Variants in PCNT observed in about 807,000 individuals in gnomAD.
PCNT encodes the protein kendrin.
Under a neutral mutation model 380.4 loss-of-function variants are expected in PCNT, and 319 were observed. That is an observed-to-expected ratio of 0.84 (90% CI 0.77 to 0.92). The LOEUF is 0.92. Ranked by LOEUF, PCNT falls within the 40% of genes least tolerant of loss-of-function variation. The pLI, the probability that PCNT is intolerant of heterozygous loss-of-function variation, is 0.00. For synonymous variants in PCNT, 1,845 were observed against 1,735.2 expected (o/e 1.06, Z -1.57); for missense variants, 4,400 against 4,255.3 (o/e 1.03, Z -0.95).
At chr21:46,415,024 C>T (rs2086967649) in intron 29 of PCNT, among the ~76,000 whole-genome samples, 2 of 152,256 alleles carry the variant, frequency 1.3e-5, no homozygotes, top group African/African-American at 2.4e-5. Flanking sequence ...GGCACGGAAG[C>T]ATGCTTGGTG....
In PCNT at chr21:46,416,724, C is replaced by T; in HGVS notation, c.6806C>T (p.Pro2269Leu). The T allele has an allele frequency of 6.3e-7, 1 of 1,585,412 alleles. No homozygotes were observed. Among genetic ancestry groups the T allele is most frequent in the Non-Finnish European group, 8.6e-7 (1 of 1,163,392 alleles). The change falls in exon 30 of 47, where the codon CCA (proline) becomes CTA (leucine). Residue 2269 changes from proline to leucine, a missense_variant. Coordinates refer to ENST00000359568, the MANE Select transcript of PCNT (RefSeq NM_006031.6). ...GGGGACAGGGCGGACACCTCGCTGC[C>T]ACAGACCCAGGGGCCGGGGCTGCTT... ...SLGDRADTSLPQTQGPGLLCS... is the reference protein window; with the variant it reads ...SLGDRADTSLLQTQGPGLLCS...
chr21:46,424,719 C>CA (rs1459032019), intron 32 of PCNT, among the ~76,000 whole-genome samples: 1 of 144,466 alleles, frequency 6.9e-6, no homozygotes, highest in Non-Finnish European at 1.5e-5. Context: ...ACTGCGCCCC[C>CA]CCCAACCCTG....
chr21:46,436,235 G>T, intron 39 of PCNT, 87 bp downstream of exon 39: 1 of 1,473,668 alleles, frequency 6.8e-7, no homozygotes, highest in Non-Finnish European at 9.3e-7. Flanking sequence ...GGCGCGTCTG[G>T]TGTGAGGCCC....
chr21:46,390,040 C>T (rs1457236988), intron 19 of PCNT, among the ~76,000 whole-genome samples: 1 of 152,246 alleles, frequency 6.6e-6, no homozygotes, highest in African/African-American at 2.4e-5. Flanking sequence ...AGAAAGTGTA[C>T]GGGAGTGTGA....
chr21:46,387,317 T>C (rs2085872081), intron 17 of PCNT, among the ~76,000 whole-genome samples: 1 of 152,204 alleles, frequency 6.6e-6, no homozygotes, highest in South Asian at 2.1e-4. Flanking sequence ...TGTGGGTGTC[T>C]CGTAGCTTGG....
chr21:46,430,198 C>T lies in PCNT; in HGVS notation c.7879C>T (p.Leu2627Phe). ...RQKSEQLSRS[L>F]CEVQQEVLQL... is the part of the protein sequence containing the mutation. ...GAAGAGCGAACAGCTGTCCCGGTCC[C>T]TCTGCGAGGTGCAGCAGGAGGTCCT... Residue 2627 changes from leucine (L) to phenylalanine (F), a missense_variant, in exon 36 of 47, where the codon CTC becomes TTC. Leu to Phe is a conservative substitution (Grantham distance 22). Coordinates refer to ENST00000359568, the MANE Select transcript of PCNT (RefSeq NM_006031.6). 1.9e-6 allele frequency: 3 copies of T among 1,613,954 alleles called. No individual in the cohort carries two copies. The East Asian group carries it at 6.7e-5, about 36-fold the overall frequency.
intron 29 of PCNT, among the ~76,000 whole-genome samples, chr21:46,413,257 GCCCC>G (rs1455791037): frequency 4.0e-5 from 5 of 124,274 alleles, no homozygotes; most frequent in African/African-American, 1.8e-4. Context: ...AAGGCGTGAG[GCCCC>G]CCTGGGAGAG....
intron 12 of PCNT, 92 bp downstream of exon 12, chr21:46,355,718 C>A: frequency 7.8e-7 from 1 of 1,277,648 alleles, no homozygotes; most frequent in Non-Finnish European, 1.1e-6. Flanking sequence ...GATCCAAGTC[C>A]TCCGTGAAGC....
At position 46,411,876 on chromosome 21, in the gene PCNT, G is replaced by A. The variant is rs774248299; in HGVS notation, c.5803G>A (p.Val1935Met). ...TGCCCGCCTCAGCCGCCAGCTGCAG[G>A]TGCTGCACCAGCGGTTCCTGAGGTG... ...QCARLSRQLQ[V>M]LHQRFLRCQV... The change falls in exon 28 of 47, where the codon GTG (valine) becomes ATG (methionine). Residue 1935 changes from valine (V) to methionine (M), a missense_variant. By Grantham distance (21) the Val-to-Met change is conservative. Coordinates refer to ENST00000359568, the MANE Select transcript of PCNT (RefSeq NM_006031.6). 1.3e-6 allele frequency: 2 copies of A among 1,570,748 alleles called. No individual in the cohort carries two copies. The highest frequency in any genetic ancestry group is 1.1e-5 in the South Asian group (1 of 88,354).
Position 46,348,758 on chromosome 21 carries a change from T to G in PCNT, c.1033-254T>G, listed in dbSNP as rs1974172. Reference sequence around the variant, plus strand: ...GCCTCCCGAGTAGCTGGGACTATAGTTGCATGCCACCACATCCCACTAATT... The same window carrying G: ...GCCTCCCGAGTAGCTGGGACTATAGGTGCATGCCACCACATCCCACTAATT... On this transcript the variant is annotated intron_variant, in intron 6 of 46. Transcript: ENST00000359568. 0.31 allele frequency among the ~76,000 whole-genome samples: 47,065 copies of G among 151,674 alleles called. 9,043 individuals carry two copies. The highest frequency in any genetic ancestry group is 0.55 in the African/African-American group (22,634 of 41,308).
intron 14 of PCNT, among the ~76,000 whole-genome samples, chr21:46,365,861 C>T (rs1263707041): frequency 2.6e-5 from 3 of 114,716 alleles, no homozygotes; most frequent in Non-Finnish European, 4.7e-5. Context: ...GTTCTGTTCA[C>T]TGCCGTGGGG....
In PCNT at chr21:46,363,518, AAAT is replaced by A; in HGVS notation, c.2197_2199del (p.Asn733del). ...TAATTGAAGACCACCAGAAGGAACT[AAAT>A]AATGCTAAGCAAAAGACTGAGCTGA... On this transcript the variant is annotated inframe_deletion, in exon 14 of 47. Coordinates refer to ENST00000359568, the MANE Select transcript of PCNT (RefSeq NM_006031.6). 1.2e-6 allele frequency: 2 copies of A among 1,614,048 alleles called. No individual in the cohort carries two copies. The highest frequency in any genetic ancestry group is 1.7e-6 in the Non-Finnish European group (2 of 1,179,940).
chr21:46,360,793 C>T (rs1262260427), intron 13 of PCNT, among the ~76,000 whole-genome samples: 1 of 152,114 alleles, frequency 6.6e-6, no homozygotes, highest in Non-Finnish European at 1.5e-5. Context: ...GCTGGGATTA[C>T]AGGCGTGAGC....
chr21:46,351,105 G>A (rs2084250198), intron 8 of PCNT, among the ~76,000 whole-genome samples: 1 of 152,174 alleles, frequency 6.6e-6, no homozygotes, highest in South Asian at 2.1e-4. Context: ...ACCCTAAACC[G>A]AAGCAGGGAG....
rs775246257 is a variant in PCNT, at chr21:46,401,622, T to G, written c.4863T>G (p.Asp1621Glu). The change falls in exon 26 of 47, where the codon GAT becomes GAG. Residue 1621 changes from aspartate to glutamate, a missense_variant. Physicochemically the swap from Asp to Glu is conservative, Grantham distance 45. Coordinates refer to ENST00000359568, the MANE Select transcript of PCNT (RefSeq NM_006031.6). Reference protein sequence around the residue: ...LLASTLQSTLDAGRCPEPPSG... With the variant: ...LLASTLQSTLEAGRCPEPPSG... ...CGTCCACGTTGCAGTCTACACTAGA[T>G]GCAGGCAGATGTCCCGAGCCTCCTT... 4.3e-6 allele frequency: 7 copies of G among 1,613,650 alleles called. No homozygotes were observed. Among genetic ancestry groups the G allele is most frequent in the Non-Finnish European group, 5.9e-6 (7 of 1,179,870 alleles).
chr21:46,346,676 C>A, intron 4 of PCNT, 67 bp from the exon 5 acceptor site: 1 of 1,532,574 alleles, frequency 6.5e-7, no homozygotes, highest in Non-Finnish European at 8.8e-7. Context: ...ATTCATGCTT[C>A]TGTGTCTCCC....
chr21:46,436,320 T>C (rs759479062), intron 39 of PCNT, among the ~76,000 whole-genome samples, 172 bp downstream of exon 39: 5 of 152,316 alleles, frequency 3.3e-5, no homozygotes, highest in African/African-American at 9.6e-5. Flanking sequence ...CAAGATGGCA[T>C]GTTCATATTC....
intron 3 of PCNT, among the ~76,000 whole-genome samples, chr21:46,340,003 A>G (rs919276620): frequency 5.9e-5 from 9 of 152,110 alleles, no homozygotes; most frequent in African/African-American, 2.2e-4. Flanking sequence ...GTCCATTCTC[A>G]TGCTGCTAAT....
At chr21:46,426,457 G>A (rs2087510696) in intron 33 of PCNT, among the ~76,000 whole-genome samples, 1 of 152,238 alleles carries the variant, frequency 6.6e-6, no homozygotes, top group Non-Finnish European at 1.5e-5. Flanking sequence ...TGTGTGGGGG[G>A]CAGAAGGGCT....
Sources: allele counts gnomAD v4.1 joint callset (sites outside exome capture counted in the v4.1 genomes callset), GRCh38; gene constraint gnomAD v4.1.1; transcripts MANE v1.5; gene names NCBI Gene and HGNC (gene_info 2026-07-23, HGNC 2026-07-21).